Variants in PLEKHA5 observed in about 807,000 individuals in gnomAD.
PLEKHA5 encodes the protein pleckstrin homology domain-containing family A member 5.
PLEKHA5 carries 55 observed loss-of-function variants against 181.9 expected under a neutral mutation model. That is an observed-to-expected ratio of 0.30 (90% confidence interval 0.24 to 0.38). The LOEUF (loss-of-function observed/expected upper bound fraction) is 0.38. Among genes scored for constraint, PLEKHA5 ranks in the 10% least tolerant of loss-of-function variants. The pLI is 1.00. For synonymous variants in PLEKHA5, 535 were observed against 529.4 expected (o/e 1.01, Z -0.15); for missense variants, 1,432 against 1,549.5 (o/e 0.92, Z 1.27).
chr12:19,201,316 C>T (rs1361712366), intron 3 of PLEKHA5: 1 of 151,944 alleles, frequency 6.6e-6, no homozygotes, highest in Non-Finnish European at 1.5e-5. Context: ...CTAGGAATGG[C>T]TATAATCAAA....
intron 5 of PLEKHA5, among the ~76,000 whole-genome samples, chr12:19,256,163 G>A (rs796430166): frequency 9.9e-5 from 15 of 152,114 alleles, no homozygotes; most frequent in African/African-American, 3.6e-4. Flanking sequence ...TTAAATATAT[G>A]AAAAAAGATT....
chr12:19,348,637 G>T, intron 25 of PLEKHA5, 118 bp downstream of exon 25: 1 of 639,554 alleles, frequency 1.6e-6, no homozygotes, highest in African/African-American at 1.9e-5. Context: ...CCCTTTATCT[G>T]AAACCTTTGG....
At chr12:19,277,135 G>C (rs991743744) in intron 11 of PLEKHA5, among the ~76,000 whole-genome samples, 2 of 150,494 alleles carry the variant, frequency 1.3e-5, no homozygotes, top group African/African-American at 4.9e-5. Context: ...AGACAGAAAA[G>C]AAGCAGGAAG....
chr12:19,347,934 G>A (rs1474379853), intron 24 of PLEKHA5, among the ~76,000 whole-genome samples: 2 of 145,292 alleles, frequency 1.4e-5, no homozygotes, highest in Non-Finnish European at 3.0e-5. Flanking sequence ...CCAGGCTGGA[G>A]TGCAGTAGAG....
At chr12:19,226,904 T>A (rs1313366002) in intron 3 of PLEKHA5, among the ~76,000 whole-genome samples, 1 of 152,144 alleles carries the variant, frequency 6.6e-6, no homozygotes, top group Non-Finnish European at 1.5e-5. Flanking sequence ...CAAAGAGTTA[T>A]ACAGATTATT....
At chr12:19,216,178 G>T (rs1381040568) in intron 3 of PLEKHA5, among the ~76,000 whole-genome samples, 1 of 152,138 alleles carries the variant, frequency 6.6e-6, no homozygotes, top group Non-Finnish European at 1.5e-5. Flanking sequence ...TCTCATGTGG[G>T]TTTTTATTTA....
rs567180562 is a variant in PLEKHA5 at position 19,216,899 on chromosome 12, A to T, written c.228-37041A>T. On this transcript the variant is annotated intron_variant, in intron 3 of 31. Transcript: ENST00000429027. ...TTAAATATAACCTGGGATGCTTCTA[A>T]TCCTTCTTTCCTTGACTCTCTCTCC... Among the ~76,000 whole-genome samples the T allele has an allele frequency of 2.1e-4, 32 of 152,226 alleles. No homozygotes were observed. The South Asian group carries it at 6.6e-3, about 32-fold the overall frequency.
At chr12:19,235,111 T>A (rs544985914) in intron 3 of PLEKHA5, among the ~76,000 whole-genome samples, 1 of 152,320 alleles carries the variant, frequency 6.6e-6, no homozygotes, top group East Asian at 1.9e-4. Flanking sequence ...GGATCATGAA[T>A]CACTACTTCT....
intron 7 of PLEKHA5, among the ~76,000 whole-genome samples, chr12:19,265,073 A>G (rs1259528899): frequency 6.6e-6 from 1 of 152,208 alleles, no homozygotes; most frequent in African/African-American, 2.4e-5. Flanking sequence ...TATCAGAATG[A>G]TTAGTAAAAA....
chr12:19,220,838 A>G (rs754625217), intron 3 of PLEKHA5, among the ~76,000 whole-genome samples: 1 of 152,212 alleles, frequency 6.6e-6, no homozygotes, highest in East Asian at 1.9e-4. Context: ...CAATTAAAAT[A>G]TGAGCAAATG....
At chr12:19,317,395 C>T (rs1040736349) in intron 16 of PLEKHA5, among the ~76,000 whole-genome samples, 1 of 151,112 alleles carries the variant, frequency 6.6e-6, no homozygotes, top group Non-Finnish European at 1.5e-5. Flanking sequence ...TCTACACCAC[C>T]TTTCACAGTT....
intron 22 of PLEKHA5, among the ~76,000 whole-genome samples, chr12:19,345,405 AAAATAAAAATAAAAAATAAAAAT>A (rs2094254388): frequency 6.6e-6 from 1 of 151,502 alleles, no homozygotes; most frequent in Admixed American, 6.6e-5. Context: ...GTCTCAAAAA[AAAATAAAAATAAAAAATAAAAAT>A]AAATAAAAAT....
intron 20 of PLEKHA5, among the ~76,000 whole-genome samples, chr12:19,335,691 G>A (rs988589325): frequency 4.1e-4 from 62 of 151,482 alleles, no homozygotes; most frequent in Non-Finnish European, 1.8e-4. Flanking sequence ...GCCTCCTGAG[G>A]CGCAATCTCG....
chr12:19,319,133 A>AGT (rs1592472157), intron 16 of PLEKHA5, among the ~76,000 whole-genome samples: 1 of 152,208 alleles, frequency 6.6e-6, no homozygotes, highest in East Asian at 1.9e-4. Flanking sequence ...ATTTACAATG[A>AGT]CAGTTGACAC....
rs373557746 is a variant in PLEKHA5 at position 19,270,198 on chromosome 12, A to G, written c.838A>G (p.Asn280Asp). ...QTEPVKRITF[N>D]FRVDKITSEN... ...TCTTTCTTCTTACAGAATTACCTTT[A>G]ATTTCCGGTGAGTACGTTTTTAATT... Residue 280 changes from asparagine (N) to aspartate (D), a missense_variant, in exon 10 of 32, where the codon AAT becomes GAT. Coordinates refer to ENST00000429027, the MANE Select transcript of PLEKHA5 (RefSeq NM_001256470.2). 6.8e-7 allele frequency: 1 copy of G among 1,461,776 alleles called. No individual in the cohort carries two copies. Among genetic ancestry groups the G allele is most frequent in the Non-Finnish European group, 9.1e-7 (1 of 1,100,688 alleles). 90.6% of individuals were successfully genotyped at this position (1,461,776 alleles called of 1,614,324 possible). A position where few individuals can be genotyped will look rare whatever the true frequency, so the allele number is the denominator to read the frequency against.
intron 3 of PLEKHA5, among the ~76,000 whole-genome samples, chr12:19,217,891 G>A (rs1463395597): frequency 6.6e-6 from 1 of 152,166 alleles, no homozygotes; most frequent in Non-Finnish European, 1.5e-5. Context: ...CAAGCTTTCA[G>A]AATAGTTAAA....
At chr12:19,203,177 T>C (rs2054589212) in intron 3 of PLEKHA5, among the ~76,000 whole-genome samples, 1 of 152,088 alleles carries the variant, frequency 6.6e-6, no homozygotes, top group Admixed American at 6.6e-5. Flanking sequence ...GAGAGCAATT[T>C]AGTGGTATGG....
At chr12:19,355,097 C>G (rs966709688) in intron 26 of PLEKHA5, among the ~76,000 whole-genome samples, 6 of 152,200 alleles carry the variant, frequency 3.9e-5, no homozygotes, top group Admixed American at 2.6e-4. Flanking sequence ...TGAGTTGGAA[C>G]TAGAAAATAA....
chr12:19,367,183 G>T (rs979431494), intron 30 of PLEKHA5, among the ~76,000 whole-genome samples: 1 of 151,678 alleles, frequency 6.6e-6, no homozygotes, highest in Non-Finnish European at 1.5e-5. Flanking sequence ...ACCATGCCCG[G>T]CCCTTTTACT....
Sources: gnomAD v4.1 joint callset for allele counts (sites outside exome capture counted in the v4.1 genomes callset) on GRCh38, gnomAD v4.1.1 for gene constraint, MANE v1.5 for transcripts, NCBI Gene and HGNC (gene_info 2026-07-23, HGNC 2026-07-21) for gene names.